Variants in CRLF3 observed in about 807,000 individuals in gnomAD.
CRLF3 encodes the protein cytokine receptor-like factor 3.
CRLF3 carries 33 observed loss-of-function variants against 55.0 expected under a neutral mutation model. The ratio of observed to expected loss-of-function variants is 0.60; its 90% CI spans 0.46 to 0.80. The LOEUF is 0.80. Among genes scored for constraint, CRLF3 ranks in the 30% least tolerant of loss-of-function variants. The pLI is 0.00. For missense variants in CRLF3, 494 were observed against 538.4 expected (o/e 0.92, Z 0.82); for synonymous variants, 238 against 196.8 (o/e 1.21, Z -1.75).
intron 1 of CRLF3, among the ~76,000 whole-genome samples, chr17:30,818,607 C>A: frequency 6.6e-6 from 1 of 151,514 alleles, no homozygotes; most frequent in South Asian, 2.1e-4. Flanking sequence ...GCGCCCACCA[C>A]CACACCCGGC....
chr17:30,784,516 T>C, intron 7 of CRLF3, 73 bp from the exon 8 acceptor site: 3 of 1,282,016 alleles, frequency 2.3e-6, no homozygotes, highest in Non-Finnish European at 3.3e-6. Context: ...TCTAGATTAC[T>C]GGTAACACAG....
intron 5 of CRLF3, among the ~76,000 whole-genome samples, chr17:30,793,203 T>C (rs1052541227): frequency 2.0e-5 from 3 of 151,926 alleles, no homozygotes; most frequent in African/African-American, 7.3e-5. Flanking sequence ...GTGCCCTACA[T>C]AATATTTTCA....
At chr17:30,792,712 A>G (rs1971832086) in intron 5 of CRLF3, 140 bp from the exon 6 acceptor site, 1 of 670,596 alleles carries the variant, frequency 1.5e-6, no homozygotes, top group African/African-American at 1.9e-5. Flanking sequence ...AGATTCCATT[A>G]ACAGGGTATC....
chr17:30,816,553 G>C (rs1904812692), intron 1 of CRLF3, among the ~76,000 whole-genome samples: 1 of 140,242 alleles, frequency 7.1e-6, no homozygotes, highest in African/African-American at 2.7e-5. Context: ...ACAGTGGTGT[G>C]ATCATGGCTT....
chr17:30,808,678 C>T (rs1161298096), intron 1 of CRLF3, among the ~76,000 whole-genome samples: 3 of 151,922 alleles, frequency 2.0e-5, no homozygotes, highest in Admixed American at 6.6e-5. Context: ...CTGCAACCTC[C>T]GCCTCCCAGG....
At chr17:30,788,059 T>C (rs2142242742) in intron 6 of CRLF3, among the ~76,000 whole-genome samples, 1 of 152,086 alleles carries the variant, frequency 6.6e-6, no homozygotes, top group East Asian at 1.9e-4. Context: ...CCGGGTGCAG[T>C]GGCTCACGCC....
chr17:30,793,317 A>G (rs1323045087), intron 5 of CRLF3, 133 bp downstream of exon 5: 1 of 654,934 alleles, frequency 1.5e-6, no homozygotes, highest in Non-Finnish European at 2.6e-6. Flanking sequence ...AGTAAAAGAC[A>G]TGGTGCATGT....
At position 30,790,194 on chromosome 17, in the gene CRLF3, A is replaced by T. The variant is rs533892101; in HGVS notation, c.959+2246T>A. 2.9e-3 allele frequency among the ~76,000 whole-genome samples: 444 copies of T among 152,282 alleles called. 4 individuals carry two copies. Among genetic ancestry groups the T allele is most frequent in the African/African-American group, 9.7e-3 (404 of 41,566 alleles). On this transcript the variant is annotated intron_variant, in intron 6 of 7. Coordinates refer to ENST00000324238, the MANE Select transcript of CRLF3 (RefSeq NM_015986.4). ...TTCAGATATTCTCCATGCCTTAAATAATAAGGGCCTGAGAACAAAAGGAAC... is the reference window on the plus strand; with the variant it reads ...TTCAGATATTCTCCATGCCTTAAATTATAAGGGCCTGAGAACAAAAGGAAC...
intron 7 of CRLF3, 127 bp downstream of exon 7, chr17:30,785,792 A>G (rs577292347): frequency 5.0e-5 from 29 of 580,828 alleles, no homozygotes; most frequent in Middle Eastern, 3.8e-4. Flanking sequence ...AAAAAAAAAA[A>G]AAAAGAAAAA....
At chr17:30,784,758 AT>A (rs72335377) in intron 7 of CRLF3, 7,786 of 182,660 alleles carry the variant, frequency 0.043, no homozygotes, top group South Asian at 0.098. Flanking sequence ...CACCAACACA[AT>A]TTTTTTTTTT....
chr17:30,784,576 A>G, intron 7 of CRLF3, 133 bp from the exon 8 acceptor site: 1 of 732,938 alleles, frequency 1.4e-6, no homozygotes, highest in South Asian at 1.8e-5. Flanking sequence ...AACTGGACAT[A>G]GATTTTAGAG....
At chr17:30,784,502 A>C (rs1477822263) in intron 7 of CRLF3, 59 bp from the exon 8 acceptor site, 35 of 1,432,168 alleles carry the variant, frequency 2.4e-5, no homozygotes, top group Non-Finnish European at 2.7e-5. Context: ...GATCTGAAAT[A>C]GTTTCTAGAT....
chr17:30,784,697 A>G (rs9893422), intron 7 of CRLF3: 47,676 of 376,678 alleles, frequency 0.13, 3,492 homozygotes, highest in South Asian at 0.24. Flanking sequence ...TAGCAAGACT[A>G]TTTCTTATGG....
intron 1 of CRLF3, among the ~76,000 whole-genome samples, chr17:30,804,890 A>G (rs1904339184): frequency 6.6e-6 from 1 of 152,160 alleles, no homozygotes; most frequent in African/African-American, 2.4e-5. Flanking sequence ...GAGCATAATA[A>G]TAGTTATTTC....
In CRLF3 at chr17:30,800,195, CTT is replaced by C. The variant is rs551953728; in HGVS notation, c.338-2799_338-2798del. Among the ~76,000 whole-genome samples the C allele has an allele frequency of 3.5e-4, 53 of 152,290 alleles. 1 individual carries two copies. Among genetic ancestry groups the C allele is most frequent in the Admixed American group, 3.3e-3 (51 of 15,280 alleles). ...CCCTAGCTCCTTTTTCCTCAAATGA[CTT>C]TTAAATGTTGGTGACCCTTAGCGTT... On this transcript the variant is annotated intron_variant, in intron 2 of 7. Transcript: ENST00000324238.
At position 30,803,917 on chromosome 17, in the gene CRLF3, C is replaced by G. The variant is rs745887448; in HGVS notation, c.321G>C (p.Glu107Asp). 1 of 1,611,818 alleles carries G rather than the reference C, an allele frequency of 6.2e-7. No homozygotes were observed. Among genetic ancestry groups the G allele is most frequent in the Non-Finnish European group, 8.5e-7 (1 of 1,179,634 alleles). Residue 107 changes from glutamate (E) to aspartate (D), a missense_variant, in exon 2 of 8, where the codon GAG becomes GAC. Physicochemically the swap from Glu to Asp is conservative, Grantham distance 45. Coordinates refer to ENST00000324238, the MANE Select transcript of CRLF3 (RefSeq NM_015986.4). ...KLIEHGVNTAEDLVREGEIAM... is the reference protein window; with the variant it reads ...KLIEHGVNTADDLVREGEIAM... ...GTCCCCCACCTTCTCGGACTAAGTC[C>G]TCTGCAGTGTTGACTCCGTGTTCTA...
chr17:30,823,433 C>G (rs1312655649), intron 1 of CRLF3, among the ~76,000 whole-genome samples: 1 of 149,944 alleles, frequency 6.7e-6, no homozygotes, highest in Non-Finnish European at 1.5e-5. Context: ...TATATAAAAC[C>G]CAAAACATGT....
intron 6 of CRLF3, among the ~76,000 whole-genome samples, chr17:30,791,168 T>G (rs894217924): frequency 9.2e-5 from 14 of 152,182 alleles, no homozygotes; most frequent in African/African-American, 3.1e-4. Context: ...CCTCCCGGGT[T>G]CAAGTGATTC....
chr17:30,791,937 C>G (rs1054240564), intron 6 of CRLF3, among the ~76,000 whole-genome samples: 1 of 152,084 alleles, frequency 6.6e-6, no homozygotes, highest in African/African-American at 2.4e-5. Flanking sequence ...ACCTCTGCCT[C>G]TTGGGTTCAA....
Sources: gnomAD v4.1 joint callset for allele counts (sites outside exome capture counted in the v4.1 genomes callset) on GRCh38, gnomAD v4.1.1 for gene constraint, MANE v1.5 for transcripts, NCBI Gene and HGNC (gene_info 2026-07-23, HGNC 2026-07-21) for gene names.